Variants in PTPN13 observed in about 807,000 individuals in gnomAD.
The protein encoded by PTPN13 is protein tyrosine phosphatase non-receptor type 13, also known as tyrosine-protein phosphatase non-receptor type 13.
Under a neutral mutation model 284.0 loss-of-function variants are expected in PTPN13, and 191 were observed. The ratio of observed to expected loss-of-function variants is 0.67; its 90% CI spans 0.60 to 0.76. The LOEUF is 0.76. Ranked by LOEUF, PTPN13 falls within the 30% of genes least tolerant of loss-of-function variation. The pLI, the probability that PTPN13 is intolerant of heterozygous loss-of-function variation, is 0.00. For synonymous variants in PTPN13, 986 were observed against 1,022.3 expected (o/e 0.96, Z 0.68); for missense variants, 2,797 against 2,939.9 (o/e 0.95, Z 1.12).
At chr4:86,715,426 T>G (rs1392305287) in intron 7 of PTPN13, among the ~76,000 whole-genome samples, 3 of 152,130 alleles carry the variant, frequency 2.0e-5, no homozygotes, top group African/African-American at 7.2e-5. Context: ...AAAGAGACAC[T>G]GCTATAAATG....
At position 86,804,102 on chromosome 4, in the gene PTPN13, A is replaced by G. The variant is rs140923501; in HGVS notation, c.6654+245A>G. On this transcript the variant is annotated intron_variant, in intron 43 of 47. Transcript: ENST00000411767. Reference sequence around the variant, plus strand: ...CCCTGAAGATTATCCTTCCTGCCTCATAGTTAAGGTAAAAATGTTTAAAAA... The same window carrying G: ...CCCTGAAGATTATCCTTCCTGCCTCGTAGTTAAGGTAAAAATGTTTAAAAA... Among the ~76,000 whole-genome samples, 33 of 151,990 alleles carry G rather than the reference A, an allele frequency of 2.2e-4. No individual in the cohort carries two copies. The East Asian group carries it at 4.1e-3, about 19-fold the overall frequency.
In PTPN13 at chr4:86,763,177, A is replaced by C. The variant is rs906670614; in HGVS notation, c.4004A>C (p.Gln1335Pro). The change falls in exon 24 of 48, where the codon CAA (glutamine) becomes CCA (proline). Residue 1335 changes from glutamine to proline, a missense_variant. By Grantham distance (76) the Gln-to-Pro change is moderately conservative. Coordinates refer to ENST00000411767, the MANE Select transcript of PTPN13 (RefSeq NM_080683.3). ...ACTTACTCCAGCAGTCAGGATCATCAAACACCAAAACAGGCATAGTTTAAT... is the reference window on the plus strand; with the variant it reads ...ACTTACTCCAGCAGTCAGGATCATCCAACACCAAAACAGGCATAGTTTAAT... ...EATYSSSQDH[Q>P]TPKQESSSSV... 2.5e-6 allele frequency: 4 copies of C among 1,607,728 alleles called. No individual in the cohort carries two copies. The African/African-American group carries it at 5.4e-5, about 22-fold the overall frequency.
At chr4:86,764,372 A>T (rs541643037) in intron 24 of PTPN13, among the ~76,000 whole-genome samples, 2 of 152,142 alleles carry the variant, frequency 1.3e-5, no homozygotes, top group South Asian at 4.1e-4. Flanking sequence ...GATCTCTAAG[A>T]TCTCTTCCAA....
In PTPN13 at chr4:86,596,653, T is replaced by C. The variant is rs565982971; in HGVS notation, c.-6+1864T>C. ...TTATTGAGAAAAACGGGTGTTGATTTGTTCTGTCTTTAATGTGTTAAGGAT... is the reference window on the plus strand; with the variant it reads ...TTATTGAGAAAAACGGGTGTTGATTCGTTCTGTCTTTAATGTGTTAAGGAT... On this transcript the variant is annotated intron_variant, in intron 1 of 47. Coordinates refer to ENST00000411767, the MANE Select transcript of PTPN13 (RefSeq NM_080683.3). 5.6e-4 allele frequency among the ~76,000 whole-genome samples: 85 copies of C among 152,312 alleles called. 1 individual carries two copies. The highest frequency in any genetic ancestry group is 1.9e-3 in the African/African-American group (80 of 41,578).
In PTPN13 at chr4:86,692,508, C is replaced by G. The variant is rs147318432; in HGVS notation, c.547-1079C>G. Among the ~76,000 whole-genome samples, 770 of 152,192 alleles carry G rather than the reference C, an allele frequency of 5.1e-3. 6 individuals carry two copies. Among genetic ancestry groups the G allele is most frequent in the African/African-American group, 0.018 (738 of 41,524 alleles). On this transcript the variant is annotated intron_variant, in intron 5 of 47. Transcript: ENST00000411767. ...GTGTGTGTGTAAACAAATATGTATG[C>G]ATGCTTTTGGTGCTAGATTTAAGTA...
intron 23 of PTPN13, 81 bp from the exon 24 acceptor site, chr4:86,762,646 A>C (rs752096058): frequency 1.8e-6 from 2 of 1,104,126 alleles, no homozygotes; most frequent in Non-Finnish European, 2.6e-6. Flanking sequence ...TCCTTCCAAC[A>C]ATCTTCAAGA....
In PTPN13 at chr4:86,751,097, G is replaced by A; in HGVS notation, c.3139G>A (p.Glu1047Lys). The A allele has an allele frequency of 2.5e-6, 4 of 1,604,370 alleles. No homozygotes were observed. Among genetic ancestry groups the A allele is most frequent in the Non-Finnish European group, 3.4e-6 (4 of 1,171,584 alleles). ...RKHESDSSSI[E>K]DPGQAYVLGM... ...ACATGAATCAGACTCCTCATCCATT[G>A]AAGACCCTGGGCAAGCATATGTTCT... Residue 1047 changes from glutamate (E) to lysine (K), a missense_variant, in exon 19 of 48, where the codon GAA becomes AAA. Coordinates refer to ENST00000411767, the MANE Select transcript of PTPN13 (RefSeq NM_080683.3).
chr4:86,653,320 G>A (rs988160602), intron 2 of PTPN13, among the ~76,000 whole-genome samples: 12 of 151,966 alleles, frequency 7.9e-5, no homozygotes, highest in African/African-American at 2.9e-4. Context: ...TGATGTCTGG[G>A]CATTGAAGAG....
At chr4:86,722,503 T>G (rs375672180) in intron 10 of PTPN13, 69 bp downstream of exon 10, 2 of 1,341,050 alleles carry the variant, frequency 1.5e-6, no homozygotes, top group African/African-American at 2.9e-5. Flanking sequence ...CAAAGTACTT[T>G]TAAAAATTGC....
intron 1 of PTPN13, among the ~76,000 whole-genome samples, chr4:86,611,878 A>G (rs1474961586): frequency 1.3e-5 from 2 of 152,228 alleles, no homozygotes; most frequent in Non-Finnish European, 2.9e-5. Flanking sequence ...CATGCATGTC[A>G]GGAAAGGACC....
In PTPN13 at chr4:86,717,132, A is replaced by C. The variant is rs750061500; in HGVS notation, c.1385+15A>C. 1 of 1,544,726 alleles carries C rather than the reference A, an allele frequency of 6.5e-7. No homozygotes were observed. The highest frequency in any genetic ancestry group is 8.9e-7 in the Non-Finnish European group (1 of 1,121,312). On this transcript the variant is annotated intron_variant, in intron 9 of 47. Transcript: ENST00000411767. ...CAGAGACCGAGGTATGTCATGAAAA[A>C]GTAGTGATGATACATTTCCAGTGAC...
chr4:86,627,831 TCTTG>T (rs1253532872), intron 1 of PTPN13, among the ~76,000 whole-genome samples: 4 of 152,210 alleles, frequency 2.6e-5, no homozygotes, highest in Admixed American at 6.5e-5. Context: ...CTTGTTTCTG[TCTTG>T]CTTTCTTCAT....
intron 19 of PTPN13, among the ~76,000 whole-genome samples, 152 bp downstream of exon 19, chr4:86,751,276 A>G (rs1737354771): frequency 6.6e-6 from 1 of 152,186 alleles, no homozygotes; most frequent in Non-Finnish European, 1.5e-5. Flanking sequence ...GCACCAAATC[A>G]AATTACCACT....
At chr4:86,741,551 GC>G in intron 15 of PTPN13, 82 bp from the exon 16 acceptor site, 2 of 1,293,994 alleles carry the variant, frequency 1.5e-6, no homozygotes, top group Non-Finnish European at 2.1e-6. Flanking sequence ...GGGGGACACG[GC>G]CAAACCATAT....
rs749045875 is a variant in PTPN13 at position 86,771,476 on chromosome 4, C to T, written c.5109C>T (p.Thr1703=). 5 of 1,566,306 alleles carry T rather than the reference C, an allele frequency of 3.2e-6. 1 individual carries two copies. In the South Asian group the frequency reaches 5.9e-5, roughly 18 times the overall value. ...HHEAPKSQED[T]ICTMFYYPQK... is the part of the protein sequence containing the mutation. ...AAGCACCCAAGAGTCAAGAAGATAC[C>T]ATTTGTACCATGTTTTACTATCCTC... The change falls in exon 31 of 48, where the codon ACC becomes ACT. Residue 1703 remains threonine, a synonymous_variant. Transcript: ENST00000411767.
chr4:86,671,719 T>G (rs1355561910), intron 2 of PTPN13, among the ~76,000 whole-genome samples: 1 of 152,204 alleles, frequency 6.6e-6, no homozygotes, highest in Non-Finnish European at 1.5e-5. Context: ...TGAACAAATG[T>G]AAATAAGATA....
chr4:86,724,003 C>A (rs1377701532), intron 10 of PTPN13, among the ~76,000 whole-genome samples: 1 of 152,106 alleles, frequency 6.6e-6, no homozygotes, highest in African/African-American at 2.4e-5. Context: ...GGAGAAAAAG[C>A]TGTTGGTTGG....
chr4:86,760,058 A>AACATTTTATAAAATTT (rs1444847313), intron 23 of PTPN13, among the ~76,000 whole-genome samples: 2 of 152,166 alleles, frequency 1.3e-5, no homozygotes, highest in Non-Finnish European at 2.9e-5. Flanking sequence ...TGTTGTGATA[A>AACATTTTATAAAATTT]AATCTTATTA....
Position 86,775,468 on chromosome 4 carries a change from A to C in PTPN13, c.5707A>C (p.Ser1903Arg). ...TTTTTCCTTATGTGGAGGTCATGAC[A>C]GCCTTTATCAAGTGGTATATATTAG... ...LGFSLCGGHD[S>R]LYQVVYISDI... is the part of the protein sequence containing the mutation. Residue 1903 changes from serine (S) to arginine (R), a missense_variant, in exon 35 of 48, where the codon AGC becomes CGC. Transcript: ENST00000411767. 6.2e-7 allele frequency: 1 copy of C among 1,608,680 alleles called. No individual in the cohort carries two copies. Among genetic ancestry groups the C allele is most frequent in the Non-Finnish European group, 8.5e-7 (1 of 1,175,124 alleles).
Sources: allele counts gnomAD v4.1 joint callset (sites outside exome capture counted in the v4.1 genomes callset), GRCh38; gene constraint gnomAD v4.1.1; transcripts MANE v1.5; gene names NCBI Gene and HGNC (gene_info 2026-07-23, HGNC 2026-07-21).